The following CDH12 variants were observed in gnomAD, a reference collection of about 807,000 sequenced individuals.
CDH12 encodes cadherin 12, also known as cadherin-12.
Under a neutral mutation model 74.1 loss-of-function variants are expected in CDH12, and 41 were observed. The ratio of observed to expected loss-of-function variants is 0.55; its 90% confidence interval spans 0.43 to 0.72. The LOEUF is 0.72. Ranked by LOEUF, CDH12 falls within the 30% of genes least tolerant of loss-of-function variation. The probability of loss-of-function intolerance (pLI) is 0.00; values close to 1 mark genes in which losing one functional copy is unlikely to be tolerated. For missense variants in CDH12, 945 were observed against 977.2 expected, an observed-to-expected ratio of 0.97 and a Z score of 0.44; for synonymous variants, 399 against 355.0, an observed-to-expected ratio of 1.12 and a Z score of -1.39.
chr5:21,825,291 G>A (rs1377691610), intron 8 of CDH12, among the ~76,000 whole-genome samples: 1 of 152,036 alleles, frequency 6.6e-6, no homozygotes, highest in Non-Finnish European at 1.5e-5. Flanking sequence ...TCTATTGTAT[G>A]TTAGCTTTAT....
intron 2 of CDH12, among the ~76,000 whole-genome samples, chr5:22,435,633 C>T (rs1036853203): frequency 1.3e-5 from 2 of 151,922 alleles, no homozygotes; most frequent in African/African-American, 4.8e-5. Flanking sequence ...TTTCCCAAAA[C>T]AGACCTCCTT....
chr5:22,824,882 T>G (rs972648187), intron 1 of CDH12, among the ~76,000 whole-genome samples: 2 of 151,788 alleles, frequency 1.3e-5, no homozygotes, highest in African/African-American at 4.8e-5. Context: ...AAAATTTATA[T>G]ATATATGTTT....
At chr5:22,048,675 G>C (rs879290671) in intron 5 of CDH12, among the ~76,000 whole-genome samples, 4 of 152,046 alleles carry the variant, frequency 2.6e-5, no homozygotes, top group Admixed American at 2.6e-4. Context: ...AATTGTGAGA[G>C]GAGAATGAGA....
chr5:22,588,873 C>A (rs929959359), intron 1 of CDH12, among the ~76,000 whole-genome samples: 1 of 152,096 alleles, frequency 6.6e-6, no homozygotes, highest in Non-Finnish European at 1.5e-5. Context: ...GCAGTTATCA[C>A]CTTTTTCTCT....
intron 8 of CDH12, among the ~76,000 whole-genome samples, chr5:21,828,742 A>G (rs1479507770): frequency 6.6e-6 from 1 of 151,904 alleles, no homozygotes; most frequent in South Asian, 2.1e-4. Flanking sequence ...TGTTGCTTTT[A>G]CCTAAAATGT....
chr5:21,750,673 T>G lies in CDH12; in HGVS notation c.*1064A>C, dbSNP rs1042329621. 1 of 152,190 alleles carries G rather than the reference T, an allele frequency of 6.6e-6. No individual in the cohort carries two copies. The highest frequency in any genetic ancestry group is 1.5e-5 in the Non-Finnish European group (1 of 68,018). 9.4% of individuals were successfully genotyped at this position (152,190 alleles called of 1,614,324 possible). On this transcript the variant is annotated 3_prime_UTR_variant, in exon 15 of 15. Coordinates refer to ENST00000382254, the MANE Select transcript of CDH12 (RefSeq NM_004061.5). ...CCTCTATTATTTGATATGTATTTTA[T>G]TTTTGCTGCTCATCAAAGAATCACT...
intron 7 of CDH12, among the ~76,000 whole-genome samples, chr5:21,845,096 T>C (rs938969953): frequency 2.0e-5 from 3 of 152,084 alleles, no homozygotes; most frequent in Admixed American, 6.6e-5. Flanking sequence ...GCAGCAACTG[T>C]ATGAATAACG....
intron 9 of CDH12, among the ~76,000 whole-genome samples, chr5:21,802,670 C>T (rs1747198708): frequency 6.8e-6 from 1 of 146,038 alleles, no homozygotes; most frequent in South Asian, 2.3e-4. Flanking sequence ...CGGCTCACTG[C>T]AACCTCCACC....
intron 6 of CDH12, among the ~76,000 whole-genome samples, chr5:21,945,288 C>CT (rs1413852405): frequency 9.9e-5 from 15 of 151,728 alleles, no homozygotes; most frequent in African/African-American, 3.6e-4. Flanking sequence ...TAGCCGGGTG[C>CT]ATTGGCACAT....
intron 3 of CDH12, among the ~76,000 whole-genome samples, chr5:22,220,713 G>T (rs1472468178): frequency 1.3e-5 from 2 of 151,582 alleles, no homozygotes; most frequent in Non-Finnish European, 1.5e-5. Context: ...ACATAAAATT[G>T]AGGTTTAAAT....
intron 3 of CDH12, among the ~76,000 whole-genome samples, chr5:22,304,386 T>G (rs147456355): frequency 1.3e-5 from 2 of 152,250 alleles, no homozygotes; most frequent in East Asian, 3.9e-4. Flanking sequence ...TCTCATTTGG[T>G]TATTAGTAGG....
chr5:21,829,318 C>T (rs1748874046), intron 8 of CDH12, among the ~76,000 whole-genome samples: 1 of 151,940 alleles, frequency 6.6e-6, no homozygotes, highest in Admixed American at 6.6e-5. Context: ...AAAACAAAAA[C>T]CAAAAACCAA....
At chr5:22,314,840 G>T (rs1561305685) in intron 3 of CDH12, among the ~76,000 whole-genome samples, 1 of 149,756 alleles carries the variant, frequency 6.7e-6, no homozygotes, top group African/African-American at 2.5e-5. Context: ...GTTAGAATAG[G>T]TTATTATTTT....
chr5:21,874,369 G>C (rs893381580), intron 6 of CDH12, among the ~76,000 whole-genome samples: 3 of 152,132 alleles, frequency 2.0e-5, no homozygotes, highest in Non-Finnish European at 2.9e-5. Context: ...AGCCTAGCTG[G>C]GAAGGTGACC....
At chr5:22,490,799 A>G (rs918515461) in intron 2 of CDH12, among the ~76,000 whole-genome samples, 6 of 152,158 alleles carry the variant, frequency 3.9e-5, no homozygotes, top group African/African-American at 1.4e-4. Context: ...GGGAGAACTA[A>G]CACTCTTGCC....
At chr5:22,826,099 C>A (rs907419987) in intron 1 of CDH12, among the ~76,000 whole-genome samples, 1 of 152,122 alleles carries the variant, frequency 6.6e-6, no homozygotes, top group Non-Finnish European at 1.5e-5. Flanking sequence ...CAAATCTTAT[C>A]TTGTAGCTGC....
intron 1 of CDH12, among the ~76,000 whole-genome samples, chr5:22,701,995 GT>G (rs1165587004): frequency 6.6e-6 from 1 of 152,036 alleles, no homozygotes; most frequent in African/African-American, 2.4e-5. Flanking sequence ...TTTATTACCT[GT>G]TCAAAACCCA....
At chr5:22,598,860 C>T (rs1199378192) in intron 1 of CDH12, among the ~76,000 whole-genome samples, 1 of 152,068 alleles carries the variant, frequency 6.6e-6, no homozygotes, top group Admixed American at 6.6e-5. Context: ...CTTGTATCTC[C>T]CAAAATAAGG....
intron 6 of CDH12, among the ~76,000 whole-genome samples, chr5:21,894,108 G>C (rs984891589): frequency 6.6e-6 from 1 of 152,176 alleles, no homozygotes; most frequent in Non-Finnish European, 1.5e-5. Flanking sequence ...GCTGGGCAGA[G>C]CGGTTCATGC....
Sources: gnomAD v4.1 joint callset for allele counts (sites outside exome capture counted in the v4.1 genomes callset) on GRCh38, gnomAD v4.1.1 for gene constraint, MANE v1.5 for transcripts, NCBI Gene and HGNC (gene_info 2026-07-23, HGNC 2026-07-21) for gene names.